The following MYO16 variants were observed in gnomAD, a reference collection of about 807,000 sequenced individuals.
MYO16 encodes unconventional myosin-XVI.
MYO16 carries 94 observed loss-of-function variants against 205.3 expected under a neutral mutation model. That is an observed-to-expected ratio of 0.46 (90% CI 0.39 to 0.54). The LOEUF (loss-of-function observed/expected upper bound fraction) is 0.54, where lower values mean the gene tolerates loss of function less well. Ranked by LOEUF, MYO16 falls within the 20% of genes least tolerant of loss-of-function variation. MYO16 has a pLI of 0.00. For synonymous variants in MYO16, 988 were observed against 954.0 expected, an observed-to-expected ratio of 1.04 and a Z score of -0.66; for missense variants, 2,315 against 2,387.5, an observed-to-expected ratio of 0.97 and a Z score of 0.63.
At chr13:108,619,861 G>A (rs145993347) in intron 1 of MYO16, among the ~76,000 whole-genome samples, 416 of 152,172 alleles carry the variant, frequency 2.7e-3, no homozygotes, top group African/African-American at 9.7e-3. Context: ...GACGATGCGC[G>A]GTGAGGAAGG....
rs1192086416 is a variant in MYO16 at position 108,745,361 on chromosome 13, G to T, written c.507+17778G>T. On this transcript the variant is annotated intron_variant, in intron 4 of 34. Coordinates refer to ENST00000457511, the MANE Select transcript of MYO16 (RefSeq NM_001198950.3). ...TTTTACCTCTAGGTAAAACGATAGA[G>T]GTTCTCGCAAGGAACTCACCAGGTT... is the stretch of plus-strand genomic sequence containing the variant. Among the ~76,000 whole-genome samples, 3 of 152,152 alleles carry T rather than the reference G, an allele frequency of 2.0e-5. No homozygotes were observed. The East Asian group carries it at 5.8e-4, about 29-fold the overall frequency.
chr13:108,958,292 T>TAACTTTATACTTGATCAACTCA (rs1222592727), intron 17 of MYO16, among the ~76,000 whole-genome samples: 7 of 150,200 alleles, frequency 4.7e-5, no homozygotes, highest in Non-Finnish European at 8.9e-5. Flanking sequence ...ACAGATCAAA[T>TAACTTTATACTTGATCAACTCA]AACTTTATAC....
intron 4 of MYO16, among the ~76,000 whole-genome samples, chr13:108,749,143 T>C (rs866259505): frequency 6.6e-6 from 1 of 151,720 alleles, no homozygotes; most frequent in Admixed American, 6.6e-5. Context: ...ATGCATTACC[T>C]CACAAACTTA....
chr13:108,820,946 A>G (rs1460323456), intron 8 of MYO16, among the ~76,000 whole-genome samples: 3 of 152,146 alleles, frequency 2.0e-5, no homozygotes, highest in Non-Finnish European at 4.4e-5. Flanking sequence ...AAATTATTTT[A>G]GTCACTGACC....
rs1417975557 is a variant in MYO16, at chr13:109,203,608, G to A, written c.5416-3001G>A. Among the ~76,000 whole-genome samples, 6 of 152,226 alleles carry A rather than the reference G, an allele frequency of 3.9e-5. No individual in the cohort carries two copies. The East Asian group carries it at 1.2e-3, about 29-fold the overall frequency. On this transcript the variant is annotated intron_variant, in intron 34 of 34. Transcript: ENST00000457511. ...ATCCGCCTTTGCCTTTCATTGCGAG[G>A]TCTTTGTTCCTCAGCCCTGAAAGAT...
Position 108,906,402 on chromosome 13 carries a change from A to C in MYO16, c.1778-3601A>C, listed in dbSNP as rs116352819. On this transcript the variant is annotated intron_variant, in intron 15 of 34. Coordinates refer to ENST00000457511, the MANE Select transcript of MYO16 (RefSeq NM_001198950.3). The stretch of plus-strand genomic sequence containing the variant: ...GAAATTTAAACCTTAAAATTACTGC[A>C]AATGAAATGGAAAATATATTAAGGC... 8.7e-3 allele frequency among the ~76,000 whole-genome samples: 1,330 copies of C among 152,334 alleles called. 15 individuals carry two copies. The highest frequency in any genetic ancestry group is 0.031 in the African/African-American group (1,281 of 41,578).
At chr13:108,848,652 T>C (rs1877649206) in intron 10 of MYO16, among the ~76,000 whole-genome samples, 1 of 151,938 alleles carries the variant, frequency 6.6e-6, no homozygotes, top group East Asian at 1.9e-4. Flanking sequence ...ATTTAAAACG[T>C]AGCAGGGTTT....
At chr13:108,528,569 CTCCCCTCCCCTCCCCTT>C in the MYO16 span, among the ~76,000 whole-genome samples, 13 of 121,970 alleles carry the variant, frequency 1.1e-4, no homozygotes, top group Admixed American at 1.6e-4. Context: ...CTCCTCTCCT[CTCCCCTCCCCTCCCCTT>C]TCCCCTCCTC....
intron 33 of MYO16, among the ~76,000 whole-genome samples, chr13:109,178,013 C>T (rs1057264413): frequency 3.9e-5 from 6 of 152,144 alleles, no homozygotes; most frequent in Non-Finnish European, 8.8e-5. Context: ...GGTGGTCCTT[C>T]ACATGAATCC....
chr13:108,928,848 G>A (rs528718815), intron 16 of MYO16, among the ~76,000 whole-genome samples: 6 of 152,200 alleles, frequency 3.9e-5, no homozygotes, highest in East Asian at 3.9e-4. Flanking sequence ...TTTCAGACAC[G>A]TGCAGTACAG....
At chr13:108,592,270 G>GT (rs2139285703), upstream of MYO16, among the ~76,000 whole-genome samples, 1 of 120,986 alleles carries the variant, frequency 8.3e-6, no homozygotes, top group African/African-American at 3.3e-5. Flanking sequence ...GGTACGTGTG[G>GT]GTGTGTGGGG....
intron 21 of MYO16, among the ~76,000 whole-genome samples, chr13:109,002,293 A>G (rs1566454872): frequency 6.6e-6 from 1 of 152,284 alleles, no homozygotes; most frequent in South Asian, 2.1e-4. Context: ...GCCATGCTCT[A>G]TTATATTTTT....
chr13:109,090,303 G>A (rs1410606546), intron 27 of MYO16, among the ~76,000 whole-genome samples: 1 of 152,236 alleles, frequency 6.6e-6, no homozygotes, highest in East Asian at 1.9e-4. Flanking sequence ...TCAGCACTCA[G>A]GAGGTGCAAA....
the MYO16 span, among the ~76,000 whole-genome samples, chr13:108,549,262 G>A: frequency 6.6e-6 from 1 of 152,148 alleles, no homozygotes; most frequent in African/African-American, 2.4e-5. Context: ...TCCTACAAGA[G>A]AGAGATTATA....
intron 4 of MYO16, among the ~76,000 whole-genome samples, chr13:108,747,340 T>A (rs1004075298): frequency 1.3e-5 from 2 of 152,160 alleles, no homozygotes; most frequent in Non-Finnish European, 2.9e-5. Context: ...TATATTGGGT[T>A]ATTATAGCGT....
intron 10 of MYO16, among the ~76,000 whole-genome samples, chr13:108,848,379 C>CT (rs1173833149): frequency 2.0e-5 from 3 of 152,168 alleles, no homozygotes; most frequent in African/African-American, 7.2e-5. Flanking sequence ...CATTTCAAAG[C>CT]TTAGAAATGC....
At chr13:109,147,336 G>T (rs1360681077) in intron 32 of MYO16, among the ~76,000 whole-genome samples, 2 of 152,160 alleles carry the variant, frequency 1.3e-5, no homozygotes, top group African/African-American at 4.8e-5. Context: ...GCGACAAGAT[G>T]CAGGATGCTT....
At chr13:108,802,041 A>G (rs1246484276) in intron 6 of MYO16, among the ~76,000 whole-genome samples, 1 of 152,240 alleles carries the variant, frequency 6.6e-6, no homozygotes, top group East Asian at 1.9e-4. Flanking sequence ...CTGTGAAATG[A>G]TTAAATCACA....
chr13:109,038,904 C>T (rs1487950242), intron 23 of MYO16, among the ~76,000 whole-genome samples: 3 of 152,018 alleles, frequency 2.0e-5, no homozygotes, highest in Non-Finnish European at 4.4e-5. Context: ...CTCCTAGCTC[C>T]CTGCCACTGT....
Sources: gnomAD v4.1 joint callset for allele counts (sites outside exome capture counted in the v4.1 genomes callset) on GRCh38, gnomAD v4.1.1 for gene constraint, MANE v1.5 for transcripts, NCBI Gene and HGNC (gene_info 2026-07-23, HGNC 2026-07-21) for gene names.